Variants in CTNNA3 observed in about 807,000 individuals in gnomAD.
CTNNA3 encodes the protein catenin alpha-3.
In CTNNA3, 76 loss-of-function variants were observed where a neutral mutation model predicts 95.7. The ratio of observed to expected loss-of-function variants is 0.79; its 90% CI spans 0.66 to 0.96. The LOEUF is 0.96. CTNNA3 is among the 40% of genes least tolerant of loss of function. CTNNA3 has a pLI of 0.00. For missense variants in CTNNA3, 1,191 were observed against 1,089.8 expected (o/e 1.09, Z -1.31); for synonymous variants, 431 against 374.4 (o/e 1.15, Z -1.74).
chr10:67,726,172 A>C (rs1198572325), intron 1 of CTNNA3, among the ~76,000 whole-genome samples: 2 of 107,742 alleles, frequency 1.9e-5, no homozygotes, highest in African/African-American at 8.1e-5. Flanking sequence ...ATCTTATATA[A>C]TAATATATAT....
chr10:66,788,936 A>G (rs537815842), intron 7 of CTNNA3, among the ~76,000 whole-genome samples: 8 of 152,266 alleles, frequency 5.3e-5, no homozygotes, highest in Admixed American at 4.6e-4. Context: ...ACATTTGGGG[A>G]TCCATAATAA....
At chr10:66,291,131 T>C (rs1354376444) in intron 12 of CTNNA3, among the ~76,000 whole-genome samples, 1 of 152,116 alleles carries the variant, frequency 6.6e-6, no homozygotes, top group Non-Finnish European at 1.5e-5. Flanking sequence ...CAGTAATGTG[T>C]GGTATGTTGA....
At chr10:67,442,733 C>G (rs1198571864) in intron 5 of CTNNA3, among the ~76,000 whole-genome samples, 1 of 151,916 alleles carries the variant, frequency 6.6e-6, no homozygotes, top group Non-Finnish European at 1.5e-5. Flanking sequence ...ATCATTAGAG[C>G]TAAAGAGACA....
At chr10:66,517,384 G>A (rs941475880) in intron 11 of CTNNA3, among the ~76,000 whole-genome samples, 5 of 152,098 alleles carry the variant, frequency 3.3e-5, no homozygotes, top group Admixed American at 2.0e-4. Flanking sequence ...ATAGGAGGTC[G>A]GCACAAGATA....
chr10:66,932,301 C>G (rs1847447840), intron 7 of CTNNA3, among the ~76,000 whole-genome samples: 1 of 152,150 alleles, frequency 6.6e-6, no homozygotes, highest in African/African-American at 2.4e-5. Flanking sequence ...CTCTTCTTCC[C>G]TTGACATTTA....
At chr10:67,621,402 T>C (rs1156704297) in intron 2 of CTNNA3, among the ~76,000 whole-genome samples, 1 of 152,130 alleles carries the variant, frequency 6.6e-6, no homozygotes, top group East Asian at 1.9e-4. Context: ...TGTGAGATAA[T>C]GCCCATTTCT....
At chr10:66,580,857 G>T (rs1470485642) in intron 10 of CTNNA3, among the ~76,000 whole-genome samples, 1 of 151,636 alleles carries the variant, frequency 6.6e-6, no homozygotes, top group African/African-American at 2.4e-5. Flanking sequence ...TGCATTATCT[G>T]AATAGTGCAT....
At chr10:67,362,877 G>A (rs1843042947) in intron 5 of CTNNA3, among the ~76,000 whole-genome samples, 1 of 151,474 alleles carries the variant, frequency 6.6e-6, no homozygotes. Flanking sequence ...CTGCCAAAAG[G>A]TTTCTAGAAC....
chr10:66,358,352 G>T (rs1042949744), intron 12 of CTNNA3, among the ~76,000 whole-genome samples: 2 of 150,076 alleles, frequency 1.3e-5, no homozygotes, highest in Non-Finnish European at 1.5e-5. Flanking sequence ...GAAATATGGG[G>T]AAAAAAAGGG....
intron 5 of CTNNA3, among the ~76,000 whole-genome samples, chr10:67,273,127 A>G (rs1016148223): frequency 2.0e-5 from 3 of 152,140 alleles, no homozygotes; most frequent in African/African-American, 7.2e-5. Context: ...TAACCATCAT[A>G]ACTCCTATTC....
intron 12 of CTNNA3, among the ~76,000 whole-genome samples, chr10:66,326,851 T>C (rs2132304692): frequency 6.6e-6 from 1 of 152,090 alleles, no homozygotes; most frequent in South Asian, 2.1e-4. Context: ...AGTGAATGAG[T>C]TTACAAAATA....
chr10:65,921,760 A>G (rs1230532204), intron 17 of CTNNA3, among the ~76,000 whole-genome samples: 11 of 152,212 alleles, frequency 7.2e-5, no homozygotes, highest in Admixed American at 7.2e-4. Context: ...TGGTCTGTCC[A>G]GTAACCTTTT....
chr10:67,584,144 C>G (rs1291579452), intron 3 of CTNNA3, among the ~76,000 whole-genome samples: 3 of 152,164 alleles, frequency 2.0e-5, no homozygotes, highest in African/African-American at 7.2e-5. Flanking sequence ...AAGAGGTGCT[C>G]TGATTTTTAG....
chr10:66,690,575 G>C (rs2132534591), intron 9 of CTNNA3, among the ~76,000 whole-genome samples: 1 of 151,602 alleles, frequency 6.6e-6, no homozygotes, highest in South Asian at 2.1e-4. Flanking sequence ...AATATGCGGT[G>C]TTTGGTTTTT....
At chr10:67,175,334 C>A (rs1243005250) in intron 7 of CTNNA3, among the ~76,000 whole-genome samples, 1 of 152,056 alleles carries the variant, frequency 6.6e-6, no homozygotes, top group African/African-American at 2.4e-5. Flanking sequence ...TTCCAAAATG[C>A]ATTTTCAGGA....
intron 5 of CTNNA3, among the ~76,000 whole-genome samples, chr10:67,501,413 A>G (rs1839228691): frequency 6.6e-6 from 1 of 152,014 alleles, no homozygotes; most frequent in Non-Finnish European, 1.5e-5. Flanking sequence ...CTTCATTTCA[A>G]CCACGATGAA....
intron 13 of CTNNA3, among the ~76,000 whole-genome samples, chr10:66,156,253 G>A (rs991725485): frequency 4.6e-5 from 7 of 151,958 alleles, no homozygotes; most frequent in Middle Eastern, 3.4e-3. Context: ...GCTTGCAACC[G>A]ACTAAAGAAA....
chr10:67,227,708 A>G (rs897692565), intron 5 of CTNNA3, among the ~76,000 whole-genome samples: 2 of 152,198 alleles, frequency 1.3e-5, no homozygotes, highest in African/African-American at 4.8e-5. Flanking sequence ...TAACAGATAT[A>G]TACAGAACAT....
chr10:66,335,443 C>G (rs981368162), intron 12 of CTNNA3, among the ~76,000 whole-genome samples: 2 of 152,090 alleles, frequency 1.3e-5, no homozygotes, highest in African/African-American at 4.8e-5. Flanking sequence ...AGTTTTCCTT[C>G]TAACAGTCAG....
Sources: allele counts gnomAD v4.1 joint callset (sites outside exome capture counted in the v4.1 genomes callset), GRCh38; gene constraint gnomAD v4.1.1; transcripts MANE v1.5; gene names NCBI Gene and HGNC (gene_info 2026-07-23, HGNC 2026-07-21).